The following PLEKHM1 variants were observed in gnomAD, a reference collection of about 807,000 sequenced individuals.
The protein encoded by PLEKHM1 is pleckstrin homology domain-containing family M member 1.
Under a neutral mutation model 94.3 loss-of-function variants are expected in PLEKHM1, and 28 were observed. The observed-to-expected ratio is 0.30, with a 90% CI of 0.22 to 0.41. PLEKHM1 has a LOEUF of 0.41. Among genes scored for constraint, PLEKHM1 ranks in the 10% least tolerant of loss-of-function variants. PLEKHM1 has a pLI of 1.00. For missense variants in PLEKHM1, 907 were observed against 1,358.6 expected (o/e 0.67, Z 5.22); for synonymous variants, 424 against 581.2 (o/e 0.73, Z 3.89).
At chr17:45,447,248 C>T (rs1367823854) in intron 8 of PLEKHM1, among the ~76,000 whole-genome samples, 1 of 152,220 alleles carries the variant, frequency 6.6e-6, no homozygotes, top group African/African-American at 2.4e-5. Context: ...TGTCTCCCAG[C>T]TCCACCAGCA....
chr17:45,434,570 T>G, downstream of PLEKHM1: 1 of 151,866 alleles, frequency 6.6e-6, no homozygotes, highest in East Asian at 2.0e-4. Context: ...CTCAGCTTCC[T>G]GAGTAGCTGG....
At chr17:45,471,037 T>C (rs1567794312) in intron 4 of PLEKHM1, among the ~76,000 whole-genome samples, 1 of 152,106 alleles carries the variant, frequency 6.6e-6, no homozygotes, top group Non-Finnish European at 1.5e-5. Context: ...GGAAATATTT[T>C]TAAATTATAC....
Position 45,444,688 on chromosome 17 carries a change from G to C in PLEKHM1, c.2837+782C>G, listed in dbSNP as rs1327184569. On this transcript the variant is annotated intron_variant, in intron 9 of 11. Transcript: ENST00000430334. This position sits in a 1 kb window ranked among gnomAD's most constrained non-coding sequence, Gnocchi z 5.0. ...CGGTGCCTTCGTTCATGGCCTGTGC[G>C]TGCCATTCCTTCTGTCTAGAATGCT... Among the ~76,000 whole-genome samples, 1 of 152,228 alleles carries C rather than the reference G, an allele frequency of 6.6e-6. No homozygotes were observed. Among genetic ancestry groups the C allele is most frequent in the Admixed American group, 6.5e-5 (1 of 15,290 alleles).
Position 45,486,225 on chromosome 17 carries a change from A to T in PLEKHM1, c.-41-3700T>A, listed in dbSNP as rs922001675. Among the ~76,000 whole-genome samples the T allele has an allele frequency of 4.1e-4, 60 of 147,800 alleles. 1 individual carries two copies. Among genetic ancestry groups the T allele is most frequent in the South Asian group, 8.4e-4 (4 of 4,778 alleles). On this transcript the variant is annotated intron_variant, in intron 1 of 11. Transcript: ENST00000430334. The stretch of plus-strand genomic sequence containing the variant: ...GAGAGAGACTCCGTCTCAAAAAAAA[A>T]AAGATAAAATAAAAAAATAATAATA...
intron 1 of PLEKHM1, among the ~76,000 whole-genome samples, chr17:45,487,254 C>A (rs1224658585): frequency 1.3e-5 from 2 of 152,136 alleles, no homozygotes; most frequent in African/African-American, 4.8e-5. Flanking sequence ...TCTCTAACCT[C>A]ATTTAATTCT....
intron 3 of PLEKHM1, chr17:45,477,105 C>G (rs2051767421): frequency 6.6e-6 from 1 of 152,468 alleles, no homozygotes; most frequent in Non-Finnish European, 1.5e-5. Flanking sequence ...CTCAAAAGCC[C>G]AGACAGTTAG....
chr17:45,486,195 C>T (rs539670527), intron 1 of PLEKHM1, among the ~76,000 whole-genome samples: 91 of 138,870 alleles, frequency 6.6e-4, no homozygotes, highest in African/African-American at 2.1e-3. Context: ...CCAGCCTAGG[C>T]GACAGAGAGA....
intron 1 of PLEKHM1, among the ~76,000 whole-genome samples, chr17:45,485,307 G>A (rs1167818061): frequency 6.6e-6 from 1 of 152,082 alleles, no homozygotes; most frequent in Non-Finnish European, 1.5e-5. Flanking sequence ...AGCAGGCCAC[G>A]TCCAGCTTCT....
In PLEKHM1 at chr17:45,440,204, A is replaced by G. The variant is rs2050403723; in HGVS notation, c.2860T>C (p.Leu954=). 15 of 1,614,172 alleles carry G rather than the reference A, an allele frequency of 9.3e-6. No individual in the cohort carries two copies. Among genetic ancestry groups the G allele is most frequent in the Non-Finnish European group, 1.3e-5 (15 of 1,179,986 alleles). ...ACACTGAACCTATGCGGAGATTCCAAGAGATAATTCCTGTGGTTGAGCCTT... is the reference window on the plus strand; with the variant it reads ...ACACTGAACCTATGCGGAGATTCCAGGAGATAATTCCTGTGGTTGAGCCTT... ...SKRLNHRNYL[L]ESPHRFSVAD... is the part of the protein sequence containing the mutation. Residue 954 remains leucine, a synonymous_variant, in exon 10 of 12, where the codon TTG becomes CTG. Transcript: ENST00000430334.
rs2145177040 is a variant in PLEKHM1, at chr17:45,444,247, T to C, written c.2837+1223A>G. ...CCCAGAAACCCAGCAGAGGTTGATT[T>C]GAAGCCCATTCTGGGCAGTAGGCAC... On this transcript the variant is annotated intron_variant, in intron 9 of 11. Transcript: ENST00000430334. This position sits in a 1 kb window ranked among gnomAD's most constrained non-coding sequence, Gnocchi z 5.0. Among the ~76,000 whole-genome samples the C allele has an allele frequency of 6.6e-6, 1 of 152,330 alleles. No homozygotes were observed. The highest frequency in any genetic ancestry group is 2.1e-4 in the South Asian group (1 of 4,828).
intron 4 of PLEKHM1, 21 bp downstream of exon 4, chr17:45,475,079 G>A (rs1430368878): frequency 6.2e-7 from 1 of 1,613,710 alleles, no homozygotes; most frequent in Non-Finnish European, 8.5e-7. Flanking sequence ...AGATGGGAAG[G>A]AGTGGGGGCA....
At position 45,445,493 on chromosome 17, in the gene PLEKHM1, G is replaced by T. The variant is rs747380654; in HGVS notation, c.2814C>A (p.Gly938=). The T allele has an allele frequency of 1.8e-5, 29 of 1,613,706 alleles. 1 individual carries two copies. The highest frequency in any genetic ancestry group is 2.5e-5 in the Non-Finnish European group (29 of 1,179,846). Residue 938 remains glycine, a synonymous_variant, in exon 9 of 12, where the codon GGC becomes GGA. Transcript: ENST00000430334. This position sits in a 1 kb window ranked among gnomAD's most constrained non-coding sequence, Gnocchi z 4.2. The part of the protein sequence containing the change: ...LGDYLGLCRS[G]ALKELSKRLN... ...ACCTCTTGCTGAGCTCCTTCAGGGC[G>T]CCACTCCGGCACAGGCCCAGGTAAT...
Position 45,439,708 on chromosome 17 carries a change from G to T in PLEKHM1, c.2902-74C>A, listed in dbSNP as rs2050382541. On this transcript the variant is annotated intron_variant, in intron 10 of 11. Transcript: ENST00000430334. ...GGAGGGCTGGTAAACTGAGGCCCCA[G>T]GCCTTTCAAGCAGCTGCACTGAGGT... The T allele has an allele frequency of 2.5e-6, 4 of 1,591,310 alleles. No individual in the cohort carries two copies. In the African/African-American group the frequency reaches 5.4e-5, roughly 21 times the overall value.
intron 6 of PLEKHM1, among the ~76,000 whole-genome samples, chr17:45,457,681 T>C (rs151097992): frequency 0.035 from 5,236 of 151,390 alleles, 116 homozygotes; most frequent in Admixed American, 0.06. Flanking sequence ...GCAGAGATCA[T>C]GCCACTGCAC....
chr17:45,436,930 A>G lies in PLEKHM1; in HGVS notation c.*928T>C, dbSNP rs983975280. 6.7e-6 allele frequency: 3 copies of G among 448,120 alleles called. No homozygotes were observed. Among genetic ancestry groups the G allele is most frequent in the African/African-American group, 6.0e-5 (3 of 49,854 alleles). 27.8% of individuals were successfully genotyped at this position (448,120 alleles called of 1,614,324 possible). A position where few individuals can be genotyped will look rare whatever the true frequency, so the allele number is the denominator to read the frequency against. On this transcript the variant is annotated 3_prime_UTR_variant, in exon 12 of 12. Transcript: ENST00000430334. The stretch of plus-strand genomic sequence containing the variant: ...AGGGGTCAGTCAGGCAGAGAGTGTG[A>G]CCCCGGGCACCCACCAAGGTGGGCC...
Position 45,444,584 on chromosome 17 carries a change from C to T in PLEKHM1, c.2837+886G>A, listed in dbSNP as rs71373562. On this transcript the variant is annotated intron_variant, in intron 9 of 11. Transcript: ENST00000430334. The surrounding 1 kb of genome is among the most constrained non-coding windows in gnomAD (Gnocchi z 5.0). ...TGGTACAGGGAAGAGATGGGAACAT[C>T]TGGCCCTCACCTGCCTCTCGCCACA... Among the ~76,000 whole-genome samples the T allele has an allele frequency of 2.0e-5, 3 of 152,328 alleles. No individual in the cohort carries two copies. In the South Asian group the frequency reaches 6.2e-4, roughly 32 times the overall value.
chr17:45,465,289 CA>C (rs1329011860), intron 5 of PLEKHM1, among the ~76,000 whole-genome samples: 1 of 151,706 alleles, frequency 6.6e-6, no homozygotes, highest in Non-Finnish European at 1.5e-5. Context: ...GTGTTATAAG[CA>C]AAGTCAAGCA....
chr17:45,467,038 A>G (rs1179007003), intron 5 of PLEKHM1, among the ~76,000 whole-genome samples: 1 of 152,244 alleles, frequency 6.6e-6, no homozygotes, highest in Non-Finnish European at 1.5e-5. Context: ...TTACAATGGA[A>G]TACTGCAGAA....
At chr17:45,480,540 C>T (rs1268527584) in intron 2 of PLEKHM1, among the ~76,000 whole-genome samples, 2 of 152,060 alleles carry the variant, frequency 1.3e-5, no homozygotes, top group Non-Finnish European at 2.9e-5. Flanking sequence ...ATTTTCATCA[C>T]CCCAAAAAGA....
Sources: allele counts gnomAD v4.1 joint callset (sites outside exome capture counted in the v4.1 genomes callset), GRCh38; gene constraint gnomAD v4.1.1; non-coding constraint Gnocchi (gnomAD v3.1); transcripts MANE v1.5; gene names NCBI Gene and HGNC (gene_info 2026-07-23, HGNC 2026-07-21).